The following GALNT13 variants were observed in gnomAD, a reference collection of about 807,000 sequenced individuals.
The protein encoded by GALNT13 is polypeptide N-acetylgalactosaminyltransferase 13.
Under a neutral mutation model 64.2 loss-of-function variants are expected in GALNT13, and 28 were observed. The observed-to-expected ratio is 0.44, with a 90% confidence interval of 0.32 to 0.60. GALNT13 has a LOEUF of 0.60. Ranked by LOEUF, GALNT13 falls within the 20% of genes least tolerant of loss-of-function variation. The pLI is 0.05. For missense variants in GALNT13, 577 were observed against 669.8 expected, an observed-to-expected ratio of 0.86 and a Z score of 1.53; for synonymous variants, 214 against 224.6, an observed-to-expected ratio of 0.95 and a Z score of 0.42.
At chr2:154,349,630 C>T (rs949364597) in intron 9 of GALNT13, among the ~76,000 whole-genome samples, 2 of 152,176 alleles carry the variant, frequency 1.3e-5, no homozygotes, top group African/African-American at 2.4e-5. Context: ...GGGAAAGGCC[C>T]TAGAAATGGA....
chr2:153,078,615 T>C, the GALNT13 span, among the ~76,000 whole-genome samples: 1 of 152,068 alleles, frequency 6.6e-6, no homozygotes, highest in South Asian at 2.1e-4. Flanking sequence ...CTGGCCTCAT[T>C]CTTATGCCTC....
At chr2:154,288,532 T>A (rs758059035) in intron 8 of GALNT13, among the ~76,000 whole-genome samples, 9 of 152,148 alleles carry the variant, frequency 5.9e-5, no homozygotes, top group Admixed American at 3.9e-4. Flanking sequence ...TAAGCCTGTA[T>A]AATCAAAAGC....
intron 9 of GALNT13, among the ~76,000 whole-genome samples, chr2:154,351,319 T>C (rs1362653912): frequency 6.6e-6 from 1 of 152,144 alleles, no homozygotes; most frequent in Non-Finnish European, 1.5e-5. Context: ...AACTTTATCA[T>C]ATTCTTCTTG....
chr2:154,242,984 C>A, intron 6 of GALNT13, 79 bp downstream of exon 6: 2 of 1,169,872 alleles, frequency 1.7e-6, no homozygotes, highest in South Asian at 1.5e-5. Flanking sequence ...CAGAATTTCT[C>A]TTCCAAGTTG....
intron 12 of GALNT13, chr2:154,446,658 A>G (rs1233408645): frequency 5.8e-6 from 9 of 1,548,796 alleles, no homozygotes; most frequent in African/African-American, 2.7e-5. Context: ...GGAAACCTGT[A>G]ATGATAGCAC....
At chr2:154,102,745 C>G (rs1468309217) in intron 3 of GALNT13, among the ~76,000 whole-genome samples, 1 of 151,966 alleles carries the variant, frequency 6.6e-6, no homozygotes, top group Non-Finnish European at 1.5e-5. Flanking sequence ...TTGAAATCTC[C>G]CCCTAATATT....
At chr2:153,084,327 C>A in the GALNT13 span, among the ~76,000 whole-genome samples, 2 of 152,098 alleles carry the variant, frequency 1.3e-5, no homozygotes, top group Non-Finnish European at 2.9e-5. Flanking sequence ...TTGCTTTTGG[C>A]AGTTTGGTCA....
At chr2:153,383,121 TAGACACTGTG>T in the GALNT13 span, among the ~76,000 whole-genome samples, 1 of 152,096 alleles carries the variant, frequency 6.6e-6, no homozygotes, top group Non-Finnish European at 1.5e-5. Context: ...ATTCACAAAC[TAGACACTGTG>T]CCTTGCTCTA....
chr2:153,312,481 C>T, the GALNT13 span, among the ~76,000 whole-genome samples: 3 of 152,258 alleles, frequency 2.0e-5, no homozygotes, highest in East Asian at 5.8e-4. Context: ...GCTCAAAAAA[C>T]ATTTCAGAGG....
At chr2:153,664,780 G>A in the GALNT13 span, among the ~76,000 whole-genome samples, 1 of 152,042 alleles carries the variant, frequency 6.6e-6, no homozygotes, top group Non-Finnish European at 1.5e-5. Flanking sequence ...TCTGTTCGGG[G>A]TCCCTGACTT....
At chr2:153,645,418 G>C in the GALNT13 span, among the ~76,000 whole-genome samples, 1 of 151,744 alleles carries the variant, frequency 6.6e-6, no homozygotes, top group African/African-American at 2.4e-5. Flanking sequence ...TTTTCAAAAG[G>C]TTTTTCTTTA....
At chr2:154,220,081 C>T (rs543127448) in intron 4 of GALNT13, among the ~76,000 whole-genome samples, 2 of 152,138 alleles carry the variant, frequency 1.3e-5, no homozygotes, top group South Asian at 4.1e-4. Flanking sequence ...AAATTAGATA[C>T]AGGGTACCAA....
the GALNT13 span, among the ~76,000 whole-genome samples, chr2:153,549,334 A>G: frequency 2.0e-5 from 3 of 152,234 alleles, no homozygotes; most frequent in Non-Finnish European, 4.4e-5. Flanking sequence ...AAGTTCCCGT[A>G]TTATTTAACT....
the GALNT13 span, among the ~76,000 whole-genome samples, chr2:153,510,241 A>G: frequency 6.6e-6 from 1 of 152,196 alleles, no homozygotes; most frequent in African/African-American, 2.4e-5. Flanking sequence ...GTTCCTAACA[A>G]AAGGGACAAG....
chr2:153,542,352 ACACACAC>A, the GALNT13 span, among the ~76,000 whole-genome samples: 9 of 63,104 alleles, frequency 1.4e-4, no homozygotes, highest in Non-Finnish European at 1.9e-4. Flanking sequence ...ACAAACACAC[ACACACAC>A]AAAAAAAAAA....
chr2:154,021,506 T>G (rs1174828252), intron 3 of GALNT13, among the ~76,000 whole-genome samples: 1 of 152,210 alleles, frequency 6.6e-6, no homozygotes, highest in African/African-American at 2.4e-5. Context: ...TCTGTTTGTC[T>G]GTTATTGGTG....
chr2:153,949,372 G>A (rs946232935), intron 3 of GALNT13, among the ~76,000 whole-genome samples: 1 of 151,954 alleles, frequency 6.6e-6, no homozygotes, highest in African/African-American at 2.4e-5. Flanking sequence ...ACTGGATCTA[G>A]AGTATTAGAT....
chr2:153,677,171 C>T, the GALNT13 span, among the ~76,000 whole-genome samples: 34 of 152,118 alleles, frequency 2.2e-4, 1 homozygote, highest in South Asian at 2.7e-3. Flanking sequence ...TAAACTACTT[C>T]ACCAAAGTTT....
the GALNT13 span, among the ~76,000 whole-genome samples, chr2:153,636,727 T>G: frequency 6.6e-6 from 1 of 152,098 alleles, no homozygotes; most frequent in Non-Finnish European, 1.5e-5. Context: ...TGTGTACCAT[T>G]TAAACCCTCT....
Sources: gnomAD v4.1 joint callset for allele counts (sites outside exome capture counted in the v4.1 genomes callset) on GRCh38, gnomAD v4.1.1 for gene constraint, MANE v1.5 for transcripts, NCBI Gene and HGNC (gene_info 2026-07-23, HGNC 2026-07-21) for gene names.